Variants in MSH3 observed in about 807,000 individuals in gnomAD.
MSH3 encodes DNA mismatch repair protein Msh3.
Under a neutral mutation model 123.3 loss-of-function variants are expected in MSH3, and 106 were observed. The observed-to-expected ratio is 0.86, with a 90% CI of 0.73 to 1.01. The LOEUF (loss-of-function observed/expected upper bound fraction) is 1.01. Among genes scored for constraint, MSH3 ranks in the 50% least tolerant of loss-of-function variants. MSH3 has a pLI of 0.00. For missense variants in MSH3, 1,459 were observed against 1,347.6 expected (o/e 1.08, Z -1.29); for synonymous variants, 515 against 481.4 (o/e 1.07, Z -0.91).
chr5:80,752,501 G>A (rs1326906715), intron 12 of MSH3, among the ~76,000 whole-genome samples: 3 of 152,124 alleles, frequency 2.0e-5, no homozygotes, highest in Non-Finnish European at 2.9e-5. Flanking sequence ...CCTTTTGAAA[G>A]CATAGTTTTG....
At chr5:80,712,355 G>C (rs1176021689) in intron 8 of MSH3, among the ~76,000 whole-genome samples, 2 of 152,154 alleles carry the variant, frequency 1.3e-5, no homozygotes, top group Non-Finnish European at 1.5e-5. Flanking sequence ...GAGGTAAAGA[G>C]TTTCTTCCAT....
At chr5:80,710,938 C>T (rs1750844831) in intron 8 of MSH3, among the ~76,000 whole-genome samples, 1 of 152,146 alleles carries the variant, frequency 6.6e-6, no homozygotes, top group Non-Finnish European at 1.5e-5. Context: ...CGCTGATCCT[C>T]TTAGTGTTTT....
Position 80,786,002 on chromosome 5 carries a change from GA to G in MSH3, c.2436-1561del, listed in dbSNP as rs370152159. 3.9e-3 allele frequency among the ~76,000 whole-genome samples: 528 copies of G among 136,838 alleles called. 1 individual carries two copies. The highest frequency in any genetic ancestry group is 6.3e-3 in the Admixed American group (86 of 13,552). 89.8% of individuals were successfully genotyped at this position (136,838 alleles called of 152,430 possible). ...TCTGGGGACTGTTGTGGGGTGGGGG[GA>G]AGGGGGGAGGGATAACATTGGGAGA... On this transcript the variant is annotated intron_variant, in intron 17 of 23. Coordinates refer to ENST00000265081, the MANE Select transcript of MSH3 (RefSeq NM_002439.5).
intron 8 of MSH3, among the ~76,000 whole-genome samples, chr5:80,681,590 C>G (rs999847817): frequency 2.0e-5 from 3 of 151,242 alleles, no homozygotes; most frequent in African/African-American, 7.3e-5. Context: ...TTATGATTTC[C>G]TGTCTTTGAT....
At chr5:80,660,223 G>C (rs1352466690) in intron 2 of MSH3, among the ~76,000 whole-genome samples, 1 of 151,010 alleles carries the variant, frequency 6.6e-6, no homozygotes. Flanking sequence ...TTTAAGTTCT[G>C]GGATACATGT....
chr5:80,859,303 T>A (rs967318693), intron 21 of MSH3, among the ~76,000 whole-genome samples: 6 of 152,074 alleles, frequency 3.9e-5, no homozygotes, highest in Non-Finnish European at 5.9e-5. Context: ...GTATTCTTTT[T>A]AAATTAAAGA....
chr5:80,748,723 C>T (rs961445415), intron 12 of MSH3, among the ~76,000 whole-genome samples: 1 of 139,020 alleles, frequency 7.2e-6, no homozygotes, highest in Non-Finnish European at 1.5e-5. Context: ...CACACACACA[C>T]ACACACACAC....
intron 12 of MSH3, among the ~76,000 whole-genome samples, chr5:80,758,792 C>T (rs1356581315): frequency 6.6e-6 from 1 of 151,960 alleles, no homozygotes; most frequent in Non-Finnish European, 1.5e-5. Context: ...AACTTTTTTG[C>T]TCGTATCTTT....
At chr5:80,755,814 A>G (rs1743917246) in intron 12 of MSH3, among the ~76,000 whole-genome samples, 1 of 152,152 alleles carries the variant, frequency 6.6e-6, no homozygotes, top group Non-Finnish European at 1.5e-5. Context: ...TACCATAGTA[A>G]CGTGAGACAC....
intron 12 of MSH3, among the ~76,000 whole-genome samples, chr5:80,749,705 TATC>T (rs1359712340): frequency 6.6e-6 from 1 of 152,210 alleles, no homozygotes; most frequent in East Asian, 1.9e-4. Context: ...CTCAAACATT[TATC>T]ATTTTTTTTT....
intron 3 of MSH3, among the ~76,000 whole-genome samples, chr5:80,669,272 C>G (rs1677648): frequency 0.28 from 42,167 of 151,930 alleles, 6,092 homozygotes; most frequent in Middle Eastern, 0.35. Context: ...TCTCACTCTC[C>G]CCTCTTCTTT....
chr5:80,840,937 G>A (rs925972884), intron 20 of MSH3, among the ~76,000 whole-genome samples: 1 of 150,810 alleles, frequency 6.6e-6, no homozygotes, highest in Non-Finnish European at 1.5e-5. Context: ...TTAAGTTCTA[G>A]GGTACATGTG....
intron 8 of MSH3, among the ~76,000 whole-genome samples, chr5:80,693,742 C>T (rs1006545208): frequency 6.6e-6 from 1 of 152,112 alleles, no homozygotes; most frequent in Admixed American, 6.6e-5. Flanking sequence ...ACTGCAACCT[C>T]CATCTCCTGG....
intron 17 of MSH3, among the ~76,000 whole-genome samples, chr5:80,780,035 G>A (rs1744382350): frequency 6.6e-6 from 1 of 152,092 alleles, no homozygotes; most frequent in African/African-American, 2.4e-5. Flanking sequence ...CACGTTTTTT[G>A]TTATTTTACC....
intron 4 of MSH3, among the ~76,000 whole-genome samples, chr5:80,671,122 CAAA>C (rs36020965): frequency 9.0e-5 from 13 of 145,036 alleles, no homozygotes; most frequent in Non-Finnish European, 9.1e-5. Flanking sequence ...GACTCTGTCT[CAAA>C]AAAAAAAAAA....
At chr5:80,719,126 C>T (rs1354711933) in intron 8 of MSH3, among the ~76,000 whole-genome samples, 1 of 151,568 alleles carries the variant, frequency 6.6e-6, no homozygotes, top group Non-Finnish European at 1.5e-5. Context: ...CGGCTCAGTG[C>T]AACCCCCGCC....
intron 11 of MSH3, among the ~76,000 whole-genome samples, chr5:80,741,775 C>A (rs1319726299): frequency 6.6e-6 from 1 of 152,108 alleles, no homozygotes; most frequent in African/African-American, 2.4e-5. Context: ...GAGGGGCATG[C>A]TTATCCTGAC....
chr5:80,682,585 A>G (rs905787950), intron 8 of MSH3, among the ~76,000 whole-genome samples: 13 of 152,014 alleles, frequency 8.6e-5, no homozygotes, highest in Admixed American at 2.0e-4. Flanking sequence ...AGGCATGGCT[A>G]AAGTTTTTTG....
chr5:80,712,426 G>T (rs993392949), intron 8 of MSH3, among the ~76,000 whole-genome samples: 4 of 151,866 alleles, frequency 2.6e-5, no homozygotes, highest in Non-Finnish European at 4.4e-5. Context: ...GTTTTTATTC[G>T]AATTTTATTT....
Sources: gnomAD v4.1 joint callset for allele counts (sites outside exome capture counted in the v4.1 genomes callset) on GRCh38, gnomAD v4.1.1 for gene constraint, MANE v1.5 for transcripts, NCBI Gene and HGNC (gene_info 2026-07-23, HGNC 2026-07-21) for gene names.